BMPR1B: variants seen among roughly 807,000 people sequenced by gnomAD.
The protein encoded by BMPR1B is bone morphogenetic protein receptor type-1B.
In BMPR1B, 12 loss-of-function variants were observed where a neutral mutation model predicts 59.1. The ratio of observed to expected loss-of-function variants is 0.20; its 90% CI spans 0.13 to 0.33. The LOEUF (loss-of-function observed/expected upper bound fraction) is 0.33, where lower values mean the gene tolerates loss of function less well. Ranked by LOEUF, BMPR1B falls within the 10% of genes least tolerant of loss-of-function variation. The pLI is 1.00. For missense variants in BMPR1B, 550 were observed against 610.9 expected (o/e 0.90, Z 1.05); for synonymous variants, 237 against 207.3 (o/e 1.14, Z -1.23).
chr4:94,929,991 A>G (rs2149032879), intron 2 of BMPR1B, among the ~76,000 whole-genome samples: 1 of 152,130 alleles, frequency 6.6e-6, no homozygotes, highest in South Asian at 2.1e-4. Context: ...CTGTGTCTTC[A>G]ACTCAGTTTT....
At chr4:94,854,867 T>C (rs1376131018) in intron 1 of BMPR1B, among the ~76,000 whole-genome samples, 1 of 152,206 alleles carries the variant, frequency 6.6e-6, no homozygotes, top group Non-Finnish European at 1.5e-5. Flanking sequence ...TGTAAGCTTT[T>C]AAACTTGAGG....
At chr4:94,839,350 G>A (rs895447148) in intron 1 of BMPR1B, among the ~76,000 whole-genome samples, 4 of 145,534 alleles carry the variant, frequency 2.7e-5, no homozygotes, top group Non-Finnish European at 6.1e-5. Flanking sequence ...GTCTAATGTT[G>A]ACAGTGGGGT....
At chr4:95,128,394 T>C (rs928974284) in intron 8 of BMPR1B, among the ~76,000 whole-genome samples, 5 of 152,238 alleles carry the variant, frequency 3.3e-5, no homozygotes, top group East Asian at 1.9e-4. Context: ...ATAAGAGTTA[T>C]ACGCTAGATT....
chr4:95,069,897 C>T (rs377349827), intron 3 of BMPR1B, among the ~76,000 whole-genome samples: 58 of 152,272 alleles, frequency 3.8e-4, no homozygotes, highest in Non-Finnish European at 2.2e-4. Flanking sequence ...GTTGGGAGTT[C>T]GTGACCAGCC....
At chr4:95,007,274 C>A (rs1293453174) in intron 3 of BMPR1B, among the ~76,000 whole-genome samples, 1 of 152,118 alleles carries the variant, frequency 6.6e-6, no homozygotes, top group Non-Finnish European at 1.5e-5. Flanking sequence ...AGTAATATCA[C>A]ACTATGATGG....
chr4:94,928,320 T>C (rs1728967544), intron 2 of BMPR1B, among the ~76,000 whole-genome samples: 1 of 151,912 alleles, frequency 6.6e-6, no homozygotes, highest in Non-Finnish European at 1.5e-5. Context: ...GCACCACTGT[T>C]TATTTTTAAA....
intron 1 of BMPR1B, among the ~76,000 whole-genome samples, chr4:94,820,654 A>C (rs530967771): frequency 6.6e-6 from 1 of 152,246 alleles, no homozygotes; most frequent in Non-Finnish European, 1.5e-5. Context: ...TTCAAAGAGC[A>C]GTTAGTTGTA....
At chr4:94,931,555 A>G (rs1284781068) in intron 2 of BMPR1B, among the ~76,000 whole-genome samples, 1 of 151,426 alleles carries the variant, frequency 6.6e-6, no homozygotes, top group Non-Finnish European at 1.5e-5. Flanking sequence ...TGCAGCTTCT[A>G]CTCTTCAATT....
intron 2 of BMPR1B, among the ~76,000 whole-genome samples, chr4:94,926,711 T>G (rs963926607): frequency 4.0e-5 from 6 of 151,700 alleles, no homozygotes; most frequent in African/African-American, 7.3e-5. Flanking sequence ...TTTATAGGGG[T>G]GTGTGTGTGT....
chr4:95,104,492 C>A lies in BMPR1B; in HGVS notation c.68C>A (p.Pro23His). ...TKKEDGESTA[P>H]TPRPKVLRCK... ...AAAGAGGATGGTGAGAGTACAGCCC[C>A]CACCCCCCGTCCAAAGGTCTTGCGT... is the stretch of plus-strand genomic sequence containing the variant. Residue 23 changes from proline to histidine, a missense_variant, in exon 4 of 13, where the codon CCC becomes CAC. Transcript: ENST00000515059. 1 of 1,613,412 alleles carries A rather than the reference C, an allele frequency of 6.2e-7. No individual in the cohort carries two copies. The highest frequency in any genetic ancestry group is 8.5e-7 in the Non-Finnish European group (1 of 1,179,634).
At chr4:95,064,369 C>T (rs998451828) in intron 3 of BMPR1B, among the ~76,000 whole-genome samples, 1 of 152,060 alleles carries the variant, frequency 6.6e-6, no homozygotes, top group African/African-American at 2.4e-5. Context: ...GTTAGATGCT[C>T]ATAGGAGAGC....
intron 3 of BMPR1B, among the ~76,000 whole-genome samples, chr4:95,103,998 G>A (rs925744525): frequency 1.3e-5 from 2 of 151,972 alleles, no homozygotes; most frequent in African/African-American, 4.8e-5. Context: ...TTAAATGCTG[G>A]GTCTATAGTC....
In BMPR1B at chr4:95,063,527, A is replaced by T. The variant is rs193184276; in HGVS notation, c.-17-40881A>T. Among the ~76,000 whole-genome samples, 9 of 152,308 alleles carry T rather than the reference A, an allele frequency of 5.9e-5. No homozygotes were observed. In the East Asian group the frequency reaches 1.7e-3, roughly 29 times the overall value. Reference sequence around the variant, plus strand: ...CGAGGTCACAGAGTTAATACATGGTACATTTTAGATTGAAATCAACACTGG... The same window carrying T: ...CGAGGTCACAGAGTTAATACATGGTTCATTTTAGATTGAAATCAACACTGG... On this transcript the variant is annotated intron_variant, in intron 3 of 12. Transcript: ENST00000515059.
intron 3 of BMPR1B, among the ~76,000 whole-genome samples, chr4:95,006,048 G>A (rs1288234686): frequency 2.6e-5 from 4 of 152,138 alleles, no homozygotes; most frequent in Non-Finnish European, 4.4e-5. Flanking sequence ...TGAGGCAGGC[G>A]GATCACGAAG....
intron 2 of BMPR1B, among the ~76,000 whole-genome samples, chr4:94,993,903 A>G (rs1316660262): frequency 6.6e-6 from 1 of 152,172 alleles, no homozygotes; most frequent in Non-Finnish European, 1.5e-5. Context: ...AGCTGCCAAA[A>G]TAAGTATCTC....
intron 3 of BMPR1B, among the ~76,000 whole-genome samples, chr4:95,073,163 T>C (rs926344597): frequency 2.0e-5 from 3 of 152,214 alleles, no homozygotes; most frequent in East Asian, 1.9e-4. Flanking sequence ...CAGATTTCTT[T>C]TTCAGCAGTG....
intron 1 of BMPR1B, among the ~76,000 whole-genome samples, chr4:94,761,117 A>G (rs962002735): frequency 1.3e-5 from 2 of 152,220 alleles, no homozygotes; most frequent in Non-Finnish European, 2.9e-5. Context: ...TTCTTTCACT[A>G]GAAGTGGGTA....
chr4:95,121,916 G>C (rs985844529), intron 6 of BMPR1B, among the ~76,000 whole-genome samples: 3 of 152,184 alleles, frequency 2.0e-5, no homozygotes, highest in African/African-American at 7.2e-5. Context: ...AGATGTATGT[G>C]TAAGAGTGTT....
chr4:94,771,142 CAT>C (rs1287841883), intron 1 of BMPR1B, among the ~76,000 whole-genome samples: 12 of 152,282 alleles, frequency 7.9e-5, no homozygotes, highest in African/African-American at 2.6e-4. Flanking sequence ...TATACACACA[CAT>C]ACAAACCCCG....
Sources: allele counts gnomAD v4.1 joint callset (sites outside exome capture counted in the v4.1 genomes callset), GRCh38; gene constraint gnomAD v4.1.1; transcripts MANE v1.5; gene names NCBI Gene and HGNC (gene_info 2026-07-23, HGNC 2026-07-21).